NEURL1: variants seen among roughly 807,000 people sequenced by gnomAD.
NEURL1 encodes the protein E3 ubiquitin-protein ligase NEURL1.
NEURL1 carries 26 observed loss-of-function variants against 41.2 expected under a neutral mutation model. That is an observed-to-expected ratio of 0.63 (90% CI 0.46 to 0.87). The LOEUF (loss-of-function observed/expected upper bound fraction) is 0.87, where lower values mean the gene tolerates loss of function less well. NEURL1 is among the 40% of genes least tolerant of loss of function. The probability of loss-of-function intolerance (pLI) is 0.00; values close to 1 mark genes in which losing one functional copy is unlikely to be tolerated. For missense variants in NEURL1, 761 were observed against 871.1 expected (o/e 0.87, Z 1.59); for synonymous variants, 400 against 402.3 (o/e 0.99, Z 0.07).
chr10:103,547,773 G>T (rs2133866336), intron 1 of NEURL1, among the ~76,000 whole-genome samples: 1 of 152,194 alleles, frequency 6.6e-6, no homozygotes, highest in African/African-American at 2.4e-5. Flanking sequence ...GTGGAGGAGG[G>T]ATTTAACCTC....
chr10:103,509,839 C>G (rs1351332729), intron 1 of NEURL1, among the ~76,000 whole-genome samples: 1 of 152,076 alleles, frequency 6.6e-6, no homozygotes, highest in South Asian at 2.1e-4. Context: ...CTTGAGGCTC[C>G]CATTTGGGAG....
At chr10:103,504,144 C>G (rs1235007551) in intron 1 of NEURL1, among the ~76,000 whole-genome samples, 1 of 151,976 alleles carries the variant, frequency 6.6e-6, no homozygotes, top group Admixed American at 6.6e-5. Context: ...CAGGCACACA[C>G]CACCACGCCC....
At chr10:103,526,262 A>G (rs79184707) in intron 1 of NEURL1, among the ~76,000 whole-genome samples, 1,962 of 152,168 alleles carry the variant, frequency 0.013, 35 homozygotes, top group African/African-American at 0.044. Context: ...GAATAAGTTT[A>G]GAAGAATTCT....
At chr10:103,531,830 C>T (rs1290586632) in intron 1 of NEURL1, among the ~76,000 whole-genome samples, 1 of 152,086 alleles carries the variant, frequency 6.6e-6, no homozygotes, top group South Asian at 2.1e-4. Context: ...TCTGTCTCTC[C>T]CTTTAGATCT....
intron 1 of NEURL1, among the ~76,000 whole-genome samples, chr10:103,516,876 TC>T (rs1006341936): frequency 6.9e-6 from 1 of 143,986 alleles, no homozygotes; most frequent in African/African-American, 2.5e-5. Context: ...CCTTCCTCCC[TC>T]CCTCCCTCCC....
chr10:103,585,532 C>G (rs972789565), intron 4 of NEURL1, among the ~76,000 whole-genome samples: 1 of 152,156 alleles, frequency 6.6e-6, no homozygotes, highest in African/African-American at 2.4e-5. Flanking sequence ...ACCCACTGAC[C>G]ACTCAAAAAT....
In NEURL1 at chr10:103,570,934, C is replaced by A. The variant is rs1167982855; in HGVS notation, c.148C>A (p.Pro50Thr). Reference sequence around the variant, plus strand: ...ATGCCACCACAAGCAGAAGCACTGTCCGGCAGTGCTGCCCAGCGGGGGGCT... The same window carrying A: ...ATGCCACCACAAGCAGAAGCACTGTACGGCAGTGCTGCCCAGCGGGGGGCT... ...HRCHHKQKHC[P>T]AVLPSGGLPA... The change falls in exon 2 of 6, where the codon CCG (proline) becomes ACG (threonine). Residue 50 changes from proline (P) to threonine (T), a missense_variant. Physicochemically the swap from Pro to Thr is conservative, Grantham distance 38 (BLOSUM62 -1). Around this residue, in one of 5 missense-constraint regions of NEURL1, gnomAD observed 94 missense variants for 96.6 expected, o/e 0.97. Transcript: ENST00000369780. 1 of 1,613,846 alleles carries A rather than the reference C, an allele frequency of 6.2e-7. No homozygotes were observed. The highest frequency in any genetic ancestry group is 8.5e-7 in the Non-Finnish European group (1 of 1,180,024).
chr10:103,564,984 G>A (rs1191059692), intron 1 of NEURL1, among the ~76,000 whole-genome samples: 2 of 152,174 alleles, frequency 1.3e-5, no homozygotes, highest in Admixed American at 6.5e-5. Flanking sequence ...TGAGAACAGC[G>A]CCCCCTAGAG....
chr10:103,502,972 C>G (rs1434905308), intron 1 of NEURL1, among the ~76,000 whole-genome samples: 1 of 152,182 alleles, frequency 6.6e-6, no homozygotes, highest in African/African-American at 2.4e-5. Context: ...AAACCTGCCT[C>G]AGGGATGGAG....
intron 1 of NEURL1, among the ~76,000 whole-genome samples, chr10:103,509,511 G>T (rs989942045): frequency 6.6e-6 from 1 of 152,112 alleles, no homozygotes; most frequent in Non-Finnish European, 1.5e-5. Context: ...CCATAGAAAA[G>T]GTAACATAAT....
chr10:103,578,291 C>G (rs2035707697), intron 3 of NEURL1, among the ~76,000 whole-genome samples: 1 of 152,202 alleles, frequency 6.6e-6, no homozygotes, highest in Admixed American at 6.5e-5. Context: ...AAAGACACCG[C>G]CCTCCACGGC....
intron 1 of NEURL1, among the ~76,000 whole-genome samples, chr10:103,544,819 A>G (rs532840167): frequency 2.1e-3 from 318 of 152,310 alleles, no homozygotes; most frequent in African/African-American, 7.5e-3. Context: ...AGCCCAACCC[A>G]GGAGCTGCAT....
At chr10:103,528,320 A>T (rs1037268588) in intron 1 of NEURL1, among the ~76,000 whole-genome samples, 4 of 152,122 alleles carry the variant, frequency 2.6e-5, no homozygotes, top group Non-Finnish European at 5.9e-5. Flanking sequence ...GCACCATTGC[A>T]CTCCAGCCTG....
rs879770539 is a variant in NEURL1, at chr10:103,508,999, C to T, written c.85+14527C>T. Among the ~76,000 whole-genome samples, 27 of 152,108 alleles carry T rather than the reference C, an allele frequency of 1.8e-4. No homozygotes were observed. The highest frequency in any genetic ancestry group is 1.2e-3 in the Admixed American group (18 of 15,266). ...TCACCTCCTTAGCACGAGGCTGAGGCGGGTGGATCACCTGAGGTCAGGAGT... is the reference window on the plus strand; with the variant it reads ...TCACCTCCTTAGCACGAGGCTGAGGTGGGTGGATCACCTGAGGTCAGGAGT... On this transcript the variant is annotated intron_variant, in intron 1 of 5. Transcript: ENST00000369780. This position sits in a 1 kb window ranked among gnomAD's most constrained non-coding sequence, Gnocchi z 4.3.
chr10:103,505,397 T>C (rs1273163981), intron 1 of NEURL1, among the ~76,000 whole-genome samples: 1 of 152,144 alleles, frequency 6.6e-6, no homozygotes, highest in Admixed American at 6.5e-5. Flanking sequence ...CTAATTTTTG[T>C]ATTTTTTAGT....
chr10:103,536,804 T>C (rs944776005), intron 1 of NEURL1, among the ~76,000 whole-genome samples: 7 of 152,234 alleles, frequency 4.6e-5, no homozygotes, highest in African/African-American at 1.7e-4. Flanking sequence ...ATCTTAACCA[T>C]TTAAGTGTAC....
intron 3 of NEURL1, among the ~76,000 whole-genome samples, chr10:103,581,264 T>A (rs2035779082): frequency 6.6e-6 from 1 of 152,214 alleles, no homozygotes; most frequent in Non-Finnish European, 1.5e-5. Flanking sequence ...AACCTAGGCC[T>A]GATCCAGACC....
chr10:103,589,980 C>T (rs1324571195), intron 5 of NEURL1, among the ~76,000 whole-genome samples, 154 bp from the exon 6 acceptor site: 1 of 152,188 alleles, frequency 6.6e-6, no homozygotes, highest in East Asian at 1.9e-4. Flanking sequence ...AGAGCTCAGC[C>T]TCTTCCCTTG....
intron 1 of NEURL1, among the ~76,000 whole-genome samples, chr10:103,567,183 C>T (rs894499425): frequency 5.3e-5 from 8 of 151,860 alleles, no homozygotes; most frequent in African/African-American, 9.7e-5. Context: ...AGGGTTTCAC[C>T]GTGTTGGCCA....
Sources: allele counts gnomAD v4.1 joint callset (sites outside exome capture counted in the v4.1 genomes callset), GRCh38; gene constraint gnomAD v4.1.1; regional missense constraint gnomAD v4.1.1; non-coding constraint Gnocchi (gnomAD v3.1); transcripts MANE v1.5; gene names NCBI Gene and HGNC (gene_info 2026-07-23, HGNC 2026-07-21).